The following INPP4B variants were observed in gnomAD, a reference collection of about 807,000 sequenced individuals.
INPP4B encodes the protein inositol polyphosphate-4-phosphatase type II B, also known as inositol polyphosphate 4-phosphatase type II.
Under a neutral mutation model 122.5 loss-of-function variants are expected in INPP4B, and 55 were observed. The ratio of observed to expected loss-of-function variants is 0.45; its 90% confidence interval spans 0.36 to 0.56. The LOEUF (loss-of-function observed/expected upper bound fraction) is 0.56. Among genes scored for constraint, INPP4B ranks in the 20% least tolerant of loss-of-function variants. INPP4B has a pLI of 0.00. For synonymous variants in INPP4B, 403 were observed against 388.7 expected, an observed-to-expected ratio of 1.04 and a Z score of -0.43; for missense variants, 1,000 against 1,097.7, an observed-to-expected ratio of 0.91 and a Z score of 1.26.
chr4:142,650,018 T>A (rs1213505971), intron 2 of INPP4B, among the ~76,000 whole-genome samples: 1 of 152,204 alleles, frequency 6.6e-6, no homozygotes, highest in Non-Finnish European at 1.5e-5. Flanking sequence ...TGTGGATCTC[T>A]CAGGAGAAAC....
intron 2 of INPP4B, among the ~76,000 whole-genome samples, chr4:142,717,261 G>A (rs564218418): frequency 1.3e-5 from 2 of 152,306 alleles, no homozygotes; most frequent in East Asian, 1.9e-4. Flanking sequence ...CTGACTTGAT[G>A]GAATTCATAG....
intron 11 of INPP4B, among the ~76,000 whole-genome samples, chr4:142,259,796 C>G (rs1053941409): frequency 6.6e-6 from 1 of 150,560 alleles, no homozygotes; most frequent in African/African-American, 2.4e-5. Context: ...TTTTTTTTTA[C>G]TTTTTAAACA....
chr4:142,288,564 C>T (rs1208174281), intron 9 of INPP4B, among the ~76,000 whole-genome samples: 1 of 152,066 alleles, frequency 6.6e-6, no homozygotes, highest in Non-Finnish European at 1.5e-5. Flanking sequence ...GCCTGGGCGA[C>T]AGAGCGAGAC....
intron 1 of INPP4B, among the ~76,000 whole-genome samples, chr4:142,749,861 A>G (rs1183741422): frequency 7.8e-6 from 1 of 128,902 alleles, no homozygotes; most frequent in East Asian, 2.0e-4. Context: ...CAGATAGTCA[A>G]GAAAATAAAT....
chr4:142,542,939 A>C (rs1392025467), intron 2 of INPP4B, among the ~76,000 whole-genome samples: 1 of 152,140 alleles, frequency 6.6e-6, no homozygotes, highest in Non-Finnish European at 1.5e-5. Flanking sequence ...TTGATCATGT[A>C]ATGGAAAAAA....
intron 2 of INPP4B, among the ~76,000 whole-genome samples, chr4:142,464,411 A>G (rs1456752649): frequency 6.6e-6 from 1 of 152,114 alleles, no homozygotes; most frequent in East Asian, 1.9e-4. Flanking sequence ...TGCAGATGAG[A>G]TATAAAATTT....
chr4:142,483,354 AG>A (rs1342602961), intron 2 of INPP4B, among the ~76,000 whole-genome samples: 4 of 152,062 alleles, frequency 2.6e-5, no homozygotes, highest in Non-Finnish European at 5.9e-5. Flanking sequence ...TTCTCAAAAA[AG>A]TAATAGTGGC....
intron 7 of INPP4B, among the ~76,000 whole-genome samples, chr4:142,396,414 A>G (rs1579946799): frequency 6.6e-6 from 1 of 152,160 alleles, no homozygotes; most frequent in African/African-American, 2.4e-5. Context: ...CCACAATGAG[A>G]TACCACTTCA....
intron 7 of INPP4B, among the ~76,000 whole-genome samples, chr4:142,397,994 G>A (rs1349491208): frequency 6.6e-6 from 1 of 151,746 alleles, no homozygotes; most frequent in Non-Finnish European, 1.5e-5. Flanking sequence ...TTTCAGACTC[G>A]GCCTCCTTAG....
In INPP4B at chr4:142,260,556, C is replaced by T; in HGVS notation, c.624G>A (p.Leu208=). 1.3e-6 allele frequency: 2 copies of T among 1,579,558 alleles called. No homozygotes were observed. The highest frequency in any genetic ancestry group is 1.8e-5 in the Admixed American group (1 of 54,644). The change falls in exon 11 of 26, where the codon CTG becomes CTA. Residue 208 remains leucine, a synonymous_variant. Coordinates refer to ENST00000262992, the MANE Select transcript of INPP4B (RefSeq NM_001101669.3). ...TTTCCGGGGCTGTACATTCACATAC[C>T]AGGGCACACTAGGAAAAAATGTAAA... ...TTDVQGQKCA[L]VCECTAPESV... is the part of the protein sequence containing the mutation.
At chr4:142,096,788 C>A (rs996937114) in intron 23 of INPP4B, among the ~76,000 whole-genome samples, 103 of 152,088 alleles carry the variant, frequency 6.8e-4, no homozygotes, top group African/African-American at 2.4e-3. Flanking sequence ...TGGAAATATT[C>A]CAATATTTAA....
chr4:142,692,598 C>A (rs142961222), intron 2 of INPP4B, among the ~76,000 whole-genome samples: 1 of 152,294 alleles, frequency 6.6e-6, no homozygotes, highest in East Asian at 1.9e-4. Flanking sequence ...TATAGCTATT[C>A]TTTCGAGCAG....
chr4:142,406,544 G>A (rs1000522220), intron 5 of INPP4B, among the ~76,000 whole-genome samples: 19 of 152,324 alleles, frequency 1.2e-4, no homozygotes, highest in Admixed American at 7.2e-4. Flanking sequence ...CAGGAACTTC[G>A]GAATGAAACA....
At chr4:142,537,184 A>G (rs1828301923) in intron 2 of INPP4B, among the ~76,000 whole-genome samples, 1 of 151,866 alleles carries the variant, frequency 6.6e-6, no homozygotes, top group Non-Finnish European at 1.5e-5. Flanking sequence ...AAAGCTTCAG[A>G]GTCCTGAGTG....
At chr4:142,683,471 G>C (rs1758920195) in intron 2 of INPP4B, among the ~76,000 whole-genome samples, 1 of 151,770 alleles carries the variant, frequency 6.6e-6, no homozygotes, top group African/African-American at 2.4e-5. Flanking sequence ...TGGCTTCCAA[G>C]GGCCATCAGA....
At chr4:142,824,652 T>C (rs543778157) in intron 1 of INPP4B, among the ~76,000 whole-genome samples, 1 of 152,286 alleles carries the variant, frequency 6.6e-6, no homozygotes, top group Admixed American at 6.5e-5. Flanking sequence ...TTATGAGCTG[T>C]CATAGCAACC....
At chr4:142,751,688 A>G (rs1561029864) in intron 1 of INPP4B, among the ~76,000 whole-genome samples, 2 of 152,216 alleles carry the variant, frequency 1.3e-5, no homozygotes, top group East Asian at 1.9e-4. Context: ...ATATGGAGCT[A>G]TGATGAAAGA....
chr4:142,647,143 A>T (rs1350307258), intron 2 of INPP4B, among the ~76,000 whole-genome samples: 1 of 152,172 alleles, frequency 6.6e-6, no homozygotes, highest in Non-Finnish European at 1.5e-5. Flanking sequence ...GCAGCTGAGT[A>T]GGCCTGTTAC....
chr4:142,324,910 C>T (rs1771752605), intron 7 of INPP4B, among the ~76,000 whole-genome samples: 1 of 152,154 alleles, frequency 6.6e-6, no homozygotes, highest in African/African-American at 2.4e-5. Context: ...TCATCCAATA[C>T]AACTGCTGAA....
Sources: allele counts gnomAD v4.1 joint callset (sites outside exome capture counted in the v4.1 genomes callset), GRCh38; gene constraint gnomAD v4.1.1; transcripts MANE v1.5; gene names NCBI Gene and HGNC (gene_info 2026-07-23, HGNC 2026-07-21).